The following MALRD1 variants were observed in gnomAD, a reference collection of about 807,000 sequenced individuals.
MALRD1 encodes MAM and LDL-receptor class A domain-containing protein 1.
Under a neutral mutation model 242.1 loss-of-function variants are expected in MALRD1, and 247 were observed. The ratio of observed to expected loss-of-function variants is 1.02; its 90% CI spans 0.92 to 1.13. MALRD1 has a LOEUF of 1.13. Ranked by LOEUF, MALRD1 falls within the 50% of genes most tolerant of loss-of-function variation. MALRD1 has a pLI of 0.00. For synonymous variants in MALRD1, 995 were observed against 866.6 expected (o/e 1.15, Z -2.60); for missense variants, 2,989 against 2,533.1 (o/e 1.18, Z -3.86).
At chr10:19,210,964 C>G (rs1837025365) in intron 18 of MALRD1, among the ~76,000 whole-genome samples, 1 of 152,104 alleles carries the variant, frequency 6.6e-6, no homozygotes, top group African/African-American at 2.4e-5. Context: ...TTCTGGTCTC[C>G]CACAAACATA....
At chr10:19,233,708 A>G (rs1838180735) in intron 18 of MALRD1, among the ~76,000 whole-genome samples, 1 of 152,186 alleles carries the variant, frequency 6.6e-6, no homozygotes, top group Non-Finnish European at 1.5e-5. Context: ...GCATAGCATA[A>G]TGTAATGAAA....
intron 38 of MALRD1, among the ~76,000 whole-genome samples, chr10:19,726,550 A>G (rs1045299824): frequency 2.6e-5 from 4 of 152,192 alleles, no homozygotes; most frequent in African/African-American, 9.6e-5. Context: ...CAGTTCCTCA[A>G]AAGTTAAAAA....
intron 19 of MALRD1, among the ~76,000 whole-genome samples, chr10:19,272,408 C>A (rs1034575401): frequency 6.6e-6 from 1 of 151,756 alleles, no homozygotes; most frequent in African/African-American, 2.4e-5. Flanking sequence ...AAACTATAAT[C>A]CAATTGGAAA....
intron 29 of MALRD1, among the ~76,000 whole-genome samples, chr10:19,454,919 C>CT (rs1348943749): frequency 1.3e-5 from 2 of 152,038 alleles, no homozygotes; most frequent in Non-Finnish European, 2.9e-5. Flanking sequence ...TAGATATATT[C>CT]TTTTTTATTT....
chr10:19,075,835 C>A (rs754106839), intron 2 of MALRD1, among the ~76,000 whole-genome samples: 1 of 151,942 alleles, frequency 6.6e-6, no homozygotes, highest in East Asian at 1.9e-4. Flanking sequence ...TGTGTAGTAA[C>A]TTGTTATGGA....
rs1840225581 is a variant in MALRD1, at chr10:19,271,316, A to G, written c.3080-8731A>G. Among the ~76,000 whole-genome samples the G allele has an allele frequency of 3.3e-5, 5 of 152,352 alleles. No individual in the cohort carries two copies. In the South Asian group the frequency reaches 6.2e-4, roughly 19 times the overall value. ...GAATTAAAGTACTATCTTGAGGAAA[A>G]TACCACATGGCATTGGTTAAAATCT... On this transcript the variant is annotated intron_variant, in intron 19 of 39. Coordinates refer to ENST00000454679, the MANE Select transcript of MALRD1 (RefSeq NM_001142308.3).
At chr10:19,086,751 G>C (rs1277573442) in intron 2 of MALRD1, among the ~76,000 whole-genome samples, 2 of 152,058 alleles carry the variant, frequency 1.3e-5, no homozygotes, top group Non-Finnish European at 2.9e-5. Context: ...AACCTGAGAG[G>C]GGCCTCTGGC....
intron 31 of MALRD1, among the ~76,000 whole-genome samples, chr10:19,511,260 C>G (rs887746843): frequency 2.6e-5 from 4 of 152,068 alleles, no homozygotes; most frequent in African/African-American, 4.8e-5. Context: ...CGTTAAAATG[C>G]CTAACCCACA....
chr10:19,686,403 C>T (rs2131807697), intron 36 of MALRD1, among the ~76,000 whole-genome samples: 1 of 152,246 alleles, frequency 6.6e-6, no homozygotes, highest in Non-Finnish European at 1.5e-5. Context: ...CATGCTCACT[C>T]GAGGCGTTCT....
At chr10:19,295,958 T>G (rs1588871293) in intron 21 of MALRD1, among the ~76,000 whole-genome samples, 2 of 152,298 alleles carry the variant, frequency 1.3e-5, no homozygotes, top group South Asian at 2.1e-4. Flanking sequence ...TGAGGACCAC[T>G]TAGTCAAGAT....
rs11010601 is a variant in MALRD1 at position 19,590,366 on chromosome 10, G to T, written c.5681-4828G>T. Among the ~76,000 whole-genome samples the T allele has an allele frequency of 4.5e-3, 656 of 147,024 alleles. 2 individuals carry two copies. The highest frequency in any genetic ancestry group is 6.8e-3 in the Non-Finnish European group (456 of 67,080). Reference sequence around the variant, plus strand: ...CATATTTTATATAATATATGTATATGTCTATATACATATTTTATATATGTA... The same window carrying T: ...CATATTTTATATAATATATGTATATTTCTATATACATATTTTATATATGTA... On this transcript the variant is annotated intron_variant, in intron 33 of 39. Coordinates refer to ENST00000454679, the MANE Select transcript of MALRD1 (RefSeq NM_001142308.3).
chr10:19,621,452 G>C (rs1241681507), intron 36 of MALRD1, among the ~76,000 whole-genome samples: 2 of 149,626 alleles, frequency 1.3e-5, no homozygotes, highest in Non-Finnish European at 3.0e-5. Flanking sequence ...AATTGAAAAA[G>C]TAAAGATTAA....
chr10:19,451,316 A>C (rs1835312372), intron 29 of MALRD1, among the ~76,000 whole-genome samples: 1 of 152,176 alleles, frequency 6.6e-6, no homozygotes, highest in Non-Finnish European at 1.5e-5. Flanking sequence ...TGCTTGGGAG[A>C]TTTAAAGATG....
intron 21 of MALRD1, 47 bp downstream of exon 21, chr10:19,283,228 A>G (rs1461337922): frequency 1.3e-5 from 18 of 1,361,722 alleles, no homozygotes; most frequent in Admixed American, 2.8e-5. Context: ...AATATTTATT[A>G]AGCATCTCCC....
intron 12 of MALRD1, among the ~76,000 whole-genome samples, chr10:19,160,888 T>G (rs1028457077): frequency 6.9e-5 from 10 of 145,564 alleles, no homozygotes; most frequent in South Asian, 2.3e-4. Context: ...GGTCTATCAA[T>G]TTTGTTGATC....
chr10:19,099,237 A>G (rs1836159727), intron 4 of MALRD1, among the ~76,000 whole-genome samples: 1 of 152,078 alleles, frequency 6.6e-6, no homozygotes, highest in Non-Finnish European at 1.5e-5. Context: ...GCTATTTGTT[A>G]TAAAAAGTAA....
At chr10:19,264,645 G>T (rs1043522509) in intron 19 of MALRD1, among the ~76,000 whole-genome samples, 3 of 151,754 alleles carry the variant, frequency 2.0e-5, no homozygotes, top group Admixed American at 6.6e-5. Context: ...CGTAGATCCG[G>T]GGTTTCACTG....
intron 12 of MALRD1, among the ~76,000 whole-genome samples, chr10:19,162,220 G>A (rs936007370): frequency 2.0e-5 from 3 of 151,946 alleles, no homozygotes; most frequent in African/African-American, 7.3e-5. Context: ...AAGACTCAAA[G>A]GTCCCTAAGG....
At chr10:19,095,708 C>G (rs891260499) in intron 4 of MALRD1, among the ~76,000 whole-genome samples, 1 of 151,992 alleles carries the variant, frequency 6.6e-6, no homozygotes, top group Non-Finnish European at 1.5e-5. Flanking sequence ...GAATGAGTAC[C>G]CCCGAGCACC....
Sources: gnomAD v4.1 joint callset for allele counts (sites outside exome capture counted in the v4.1 genomes callset) on GRCh38, gnomAD v4.1.1 for gene constraint, MANE v1.5 for transcripts, NCBI Gene and HGNC (gene_info 2026-07-23, HGNC 2026-07-21) for gene names.